The following DPYD variants were observed in gnomAD, a reference collection of about 807,000 sequenced individuals.
The protein encoded by DPYD is dihydropyrimidine dehydrogenase.
Under a neutral mutation model 116.2 loss-of-function variants are expected in DPYD, and 109 were observed. The observed-to-expected ratio is 0.94, with a 90% CI of 0.80 to 1.10. The LOEUF is 1.10. DPYD is among the 50% of genes least tolerant of loss of function. The pLI, the probability that DPYD is intolerant of heterozygous loss-of-function variation, is 0.00. For missense variants in DPYD, 1,302 were observed against 1,254.5 expected (o/e 1.04, Z -0.57); for synonymous variants, 440 against 432.0 (o/e 1.02, Z -0.23).
intron 13 of DPYD, among the ~76,000 whole-genome samples, chr1:97,480,402 A>C (rs1227916728): frequency 6.6e-6 from 1 of 152,214 alleles, no homozygotes; most frequent in Non-Finnish European, 1.5e-5. Flanking sequence ...CACTCATAAC[A>C]AATCAGGTAA....
At chr1:97,147,828 T>C (rs970475762) in intron 20 of DPYD, among the ~76,000 whole-genome samples, 1 of 152,192 alleles carries the variant, frequency 6.6e-6, no homozygotes, top group African/African-American at 2.4e-5. Flanking sequence ...AGCTCTCTTT[T>C]ACTGTACTTT....
At chr1:97,841,862 T>C (rs1019113086) in intron 2 of DPYD, among the ~76,000 whole-genome samples, 3 of 152,016 alleles carry the variant, frequency 2.0e-5, no homozygotes, top group Admixed American at 6.5e-5. Context: ...ATGCAATCTC[T>C]AGGAGACAAG....
At chr1:97,206,687 T>TATATATATATATATATATATA in intron 19 of DPYD, among the ~76,000 whole-genome samples, 1 of 71,582 alleles carries the variant, frequency 1.4e-5, no homozygotes, top group Non-Finnish European at 2.9e-5. Flanking sequence ...TATATATATA[T>TATATATATATATATATATATA]AATCTATATG....
At chr1:97,241,069 C>T (rs1407122890) in intron 18 of DPYD, among the ~76,000 whole-genome samples, 1 of 151,900 alleles carries the variant, frequency 6.6e-6, no homozygotes, top group African/African-American at 2.4e-5. Context: ...AAAATTTCTT[C>T]TGAAAATGTT....
intron 11 of DPYD, among the ~76,000 whole-genome samples, chr1:97,557,109 A>G (rs1310667110): frequency 6.6e-5 from 10 of 151,816 alleles, no homozygotes; most frequent in Admixed American, 4.6e-4. Flanking sequence ...ATGGCCAGTG[A>G]TGATGAGCAT....
At chr1:97,162,357 T>C (rs189320464) in intron 20 of DPYD, among the ~76,000 whole-genome samples, 178 of 152,178 alleles carry the variant, frequency 1.2e-3, no homozygotes, top group Non-Finnish European at 1.8e-3. Flanking sequence ...GAGAGCCAAA[T>C]CATGAGTGAA....
At chr1:97,677,154 AT>A (rs1176932688) in intron 8 of DPYD, among the ~76,000 whole-genome samples, 6 of 152,202 alleles carry the variant, frequency 3.9e-5, no homozygotes, top group African/African-American at 1.4e-4. Flanking sequence ...ACTCAGAGTG[AT>A]AAACAATTTA....
chr1:97,831,953 G>C (rs1669555542), intron 2 of DPYD, among the ~76,000 whole-genome samples: 1 of 151,756 alleles, frequency 6.6e-6, no homozygotes, highest in South Asian at 2.1e-4. Flanking sequence ...AACAGGCACA[G>C]GTTAGCTCTA....
At chr1:97,081,441 A>C (rs563735661) in intron 22 of DPYD, among the ~76,000 whole-genome samples, 1 of 152,050 alleles carries the variant, frequency 6.6e-6, no homozygotes, top group Admixed American at 6.6e-5. Context: ...GAAATTCTTT[A>C]ACTTTCACAA....
intron 2 of DPYD, among the ~76,000 whole-genome samples, chr1:97,867,720 C>T (rs889642701): frequency 2.0e-5 from 3 of 151,672 alleles, no homozygotes; most frequent in Non-Finnish European, 3.0e-5. Flanking sequence ...AAAAAATGTA[C>T]GTGAACACAA....
intron 16 of DPYD, among the ~76,000 whole-genome samples, chr1:97,349,201 C>T (rs1355937999): frequency 6.6e-6 from 1 of 151,970 alleles, no homozygotes; most frequent in Non-Finnish European, 1.5e-5. Context: ...ATATAATCTA[C>T]TTAAAATGTT....
At chr1:97,131,343 C>T (rs781481869) in intron 20 of DPYD, among the ~76,000 whole-genome samples, 18 of 152,204 alleles carry the variant, frequency 1.2e-4, no homozygotes, top group Non-Finnish European at 2.5e-4. Flanking sequence ...CTATAATCCT[C>T]ATACAGAATA....
At chr1:97,749,537 T>C (rs1465005459) in intron 3 of DPYD, among the ~76,000 whole-genome samples, 1 of 152,156 alleles carries the variant, frequency 6.6e-6, no homozygotes, top group African/African-American at 2.4e-5. Flanking sequence ...GTTAACAGCT[T>C]TAACAGAGAA....
intron 4 of DPYD, among the ~76,000 whole-genome samples, chr1:97,732,790 T>C (rs1287945815): frequency 6.6e-6 from 1 of 152,080 alleles, no homozygotes; most frequent in Non-Finnish European, 1.5e-5. Context: ...TAGTAATAAA[T>C]GAATGAGTCA....
chr1:97,608,550 T>C (rs747402072), intron 8 of DPYD, among the ~76,000 whole-genome samples: 3 of 151,904 alleles, frequency 2.0e-5, no homozygotes, highest in Non-Finnish European at 4.4e-5. Context: ...CCCTACCTAC[T>C]AGCTTTGTGA....
At chr1:97,278,899 A>G (rs1273988579) in intron 18 of DPYD, among the ~76,000 whole-genome samples, 3 of 150,972 alleles carry the variant, frequency 2.0e-5, no homozygotes, top group Non-Finnish European at 4.4e-5. Context: ...CACTCTTACT[A>G]AGACAATGGT....
At chr1:97,339,440 T>A (rs560951463) in intron 16 of DPYD, among the ~76,000 whole-genome samples, 1 of 152,200 alleles carries the variant, frequency 6.6e-6, no homozygotes. Context: ...CAAAAAATAG[T>A]TTTCTTACAA....
intron 18 of DPYD, among the ~76,000 whole-genome samples, chr1:97,267,626 G>A (rs1284523359): frequency 1.3e-5 from 2 of 151,632 alleles, no homozygotes; most frequent in Non-Finnish European, 2.9e-5. Flanking sequence ...TCATGAGGGT[G>A]GAGCTTTATG....
intron 1 of DPYD, chr1:97,883,925 T>A (rs1000958008): frequency 2.3e-6 from 1 of 439,158 alleles, no homozygotes; most frequent in Non-Finnish European, 4.3e-6. Flanking sequence ...CTATATTTGG[T>A]TTTCCAAAAA....
Sources: gnomAD v4.1 joint callset for allele counts (sites outside exome capture counted in the v4.1 genomes callset) on GRCh38, gnomAD v4.1.1 for gene constraint, MANE v1.5 for transcripts, NCBI Gene and HGNC (gene_info 2026-07-23, HGNC 2026-07-21) for gene names.